Variants in NRCAM observed in about 807,000 individuals in gnomAD.
NRCAM encodes the protein NgCAM-related cell adhesion molecule.
NRCAM carries 83 observed loss-of-function variants against 156.5 expected under a neutral mutation model. The observed-to-expected ratio is 0.53, with a 90% CI of 0.44 to 0.64. The LOEUF is 0.64. Ranked by LOEUF, NRCAM falls within the 30% of genes least tolerant of loss-of-function variation. The pLI is 0.00. For synonymous variants in NRCAM, 538 were observed against 563.9 expected, an observed-to-expected ratio of 0.95 and a Z score of 0.65; for missense variants, 1,417 against 1,597.3, an observed-to-expected ratio of 0.89 and a Z score of 1.92.
intron 3 of NRCAM, among the ~76,000 whole-genome samples, chr7:108,296,737 G>C (rs970420234): frequency 5.3e-5 from 8 of 152,124 alleles, no homozygotes; most frequent in African/African-American, 1.9e-4. Context: ...CCTGTAATTA[G>C]AAGGCCATTA....
chr7:108,184,731 A>T (rs1051520024), intron 20 of NRCAM, 117 bp from the exon 21 acceptor site: 6 of 748,336 alleles, frequency 8.0e-6, no homozygotes, highest in Non-Finnish European at 1.2e-5. Flanking sequence ...GAATTATTTT[A>T]CTTTCAAGAA....
At chr7:108,437,827 G>A (rs1371029942) in intron 1 of NRCAM, among the ~76,000 whole-genome samples, 1 of 151,954 alleles carries the variant, frequency 6.6e-6, no homozygotes, top group Non-Finnish European at 1.5e-5. Context: ...TAAAAGAGTG[G>A]GGGAGGAAAA....
intron 3 of NRCAM, among the ~76,000 whole-genome samples, chr7:108,302,721 A>G (rs1026715297): frequency 6.6e-6 from 1 of 152,094 alleles, no homozygotes; most frequent in African/African-American, 2.4e-5. Flanking sequence ...ATAATTTCCT[A>G]ACTGCTTTTC....
intron 2 of NRCAM, among the ~76,000 whole-genome samples, chr7:108,319,512 C>T (rs1470666996): frequency 2.0e-5 from 3 of 152,152 alleles, no homozygotes; most frequent in Non-Finnish European, 2.9e-5. Context: ...AAGAAGTGAA[C>T]CTTAGAAAAC....
In NRCAM at chr7:108,223,808, T is replaced by C. The variant is rs2092892552; in HGVS notation, c.807A>G (p.Thr269=). ...GAKSSRERPP[T]FLTPEGNASN... The stretch of plus-strand genomic sequence containing the variant: ...TTGCATTGCCTTCTGGAGTTAAAAA[T>C]GTTGGTGGCCTCTCTCTACTTGATT... Residue 269 remains threonine (T), a synonymous_variant, in exon 11 of 33, where the codon ACA becomes ACG. Coordinates refer to ENST00000379028, the MANE Select transcript of NRCAM (RefSeq NM_001037132.4). 1 of 1,607,806 alleles carries C rather than the reference T, an allele frequency of 6.2e-7. No homozygotes were observed. The highest frequency in any genetic ancestry group is 1.1e-5 in the South Asian group (1 of 90,880).
chr7:108,357,627 G>T (rs6944707), intron 2 of NRCAM, among the ~76,000 whole-genome samples: 4,331 of 151,792 alleles, frequency 0.029, 203 homozygotes, highest in African/African-American at 0.098. Flanking sequence ...CACCGGGCCC[G>T]GCCAAGTGGG....
rs551330519 is a variant in NRCAM, at chr7:108,268,720, T to C, written c.-106-28550A>G. ...ATATATGACCACATTCTCTAGAGGATTGTTCTACAGTGTTAGTGTAAATTC... is the reference window on the plus strand; with the variant it reads ...ATATATGACCACATTCTCTAGAGGACTGTTCTACAGTGTTAGTGTAAATTC... On this transcript the variant is annotated intron_variant, in intron 3 of 32. Transcript: ENST00000379028. Among the ~76,000 whole-genome samples the C allele has an allele frequency of 7.2e-5, 11 of 151,784 alleles. 1 individual carries two copies. In the South Asian group the frequency reaches 1.9e-3, roughly 26 times the overall value.
intron 1 of NRCAM, among the ~76,000 whole-genome samples, chr7:108,454,147 G>A (rs941126967): frequency 6.6e-6 from 1 of 152,168 alleles, no homozygotes; most frequent in African/African-American, 2.4e-5. Context: ...AAGCTAACAG[G>A]AATAAAAGAA....
At chr7:108,194,926 A>C (rs1292881354) in intron 15 of NRCAM, among the ~76,000 whole-genome samples, 1 of 152,184 alleles carries the variant, frequency 6.6e-6, no homozygotes, top group Non-Finnish European at 1.5e-5. Flanking sequence ...AGAGGACTTA[A>C]ACCTCGGGTG....
chr7:108,183,000 C>T, intron 22 of NRCAM, 80 bp from the exon 23 acceptor site: 1 of 1,128,188 alleles, frequency 8.9e-7, no homozygotes, highest in African/African-American at 1.5e-5. Flanking sequence ...AATTCAATTC[C>T]CAGACCTACA....
chr7:108,405,692 CGTTTTA>C lies in NRCAM; in HGVS notation c.-331-6105_-331-6100del, dbSNP rs201631974. 3.2e-3 allele frequency among the ~76,000 whole-genome samples: 494 copies of C among 152,176 alleles called. 16 individuals are homozygous for C. Among genetic ancestry groups the C allele is most frequent in the Admixed American group, 0.03 (451 of 15,278 alleles). On this transcript the variant is annotated intron_variant, in intron 1 of 32. Coordinates refer to ENST00000379028, the MANE Select transcript of NRCAM (RefSeq NM_001037132.4). ...GAGGGAAAGCCACTAGATGACATTA[CGTTTTA>C]GTTAAAGTTAGAAAAGCAGTATCTT...
intron 2 of NRCAM, among the ~76,000 whole-genome samples, chr7:108,317,037 C>CTG (rs2098935087): frequency 2.6e-5 from 4 of 152,192 alleles, no homozygotes; most frequent in African/African-American, 9.7e-5. Flanking sequence ...TCCTATCTCT[C>CTG]CATTTCTGGC....
chr7:108,281,347 G>A (rs1269678), intron 3 of NRCAM, among the ~76,000 whole-genome samples: 135,352 of 152,276 alleles, frequency 0.89, 60,277 homozygotes, highest in African/African-American at 0.92. Context: ...ATAAAAAAAC[G>A]AATGATGAGC....
chr7:108,284,224 T>A (rs1295977191), intron 3 of NRCAM, among the ~76,000 whole-genome samples: 2 of 152,198 alleles, frequency 1.3e-5, no homozygotes, highest in African/African-American at 4.8e-5. Flanking sequence ...ATGTTTGAAC[T>A]ACTCTCATGT....
intron 2 of NRCAM, among the ~76,000 whole-genome samples, chr7:108,313,606 G>T (rs541413105): frequency 1.6e-4 from 25 of 152,224 alleles, no homozygotes; most frequent in Non-Finnish European, 3.4e-4. Context: ...AGCTGGTTTT[G>T]CTTATGTATG....
At chr7:108,318,634 CTG>C (rs2098961463) in intron 2 of NRCAM, among the ~76,000 whole-genome samples, 2 of 152,190 alleles carry the variant, frequency 1.3e-5, no homozygotes, top group South Asian at 4.2e-4. Context: ...GACCATGAGT[CTG>C]TGTGTGTATG....
chr7:108,309,997 C>G (rs1214216973), intron 3 of NRCAM, among the ~76,000 whole-genome samples: 2 of 152,142 alleles, frequency 1.3e-5, no homozygotes, highest in Admixed American at 1.3e-4. Context: ...TTACTATTAT[C>G]TATTCAGGAT....
intron 8 of NRCAM, among the ~76,000 whole-genome samples, chr7:108,230,098 A>G (rs2153726332): frequency 6.6e-6 from 1 of 152,264 alleles, no homozygotes; most frequent in African/African-American, 2.4e-5. Context: ...AAACTAACAG[A>G]AACATAACAT....
intron 32 of NRCAM, chr7:108,156,360 G>A (rs1468939994): frequency 1.4e-5 from 14 of 982,846 alleles, no homozygotes; most frequent in Non-Finnish European, 1.7e-5. Flanking sequence ...TAAGGAAAAT[G>A]GATCTAAAGA....
Sources: allele counts gnomAD v4.1 joint callset (sites outside exome capture counted in the v4.1 genomes callset), GRCh38; gene constraint gnomAD v4.1.1; transcripts MANE v1.5; gene names NCBI Gene and HGNC (gene_info 2026-07-23, HGNC 2026-07-21).